The following HIP1 variants were observed in gnomAD, a reference collection of about 807,000 sequenced individuals.
The protein encoded by HIP1 is huntingtin-interacting protein 1.
HIP1 carries 65 observed loss-of-function variants against 147.6 expected under a neutral mutation model. The ratio of observed to expected loss-of-function variants is 0.44; its 90% CI spans 0.36 to 0.54. The LOEUF (loss-of-function observed/expected upper bound fraction) is 0.54, where lower values mean the gene tolerates loss of function less well. Among genes scored for constraint, HIP1 ranks in the 20% least tolerant of loss-of-function variants. The pLI is 0.00. For synonymous variants in HIP1, 479 were observed against 504.0 expected (o/e 0.95, Z 0.67); for missense variants, 1,061 against 1,299.6 (o/e 0.82, Z 2.82).
At chr7:75,696,947 G>T (rs1486926177) in intron 1 of HIP1, among the ~76,000 whole-genome samples, 3 of 150,854 alleles carry the variant, frequency 2.0e-5, no homozygotes, top group African/African-American at 7.3e-5. Context: ...CAACTCACAG[G>T]TCCTCCCCCC....
chr7:75,652,178 A>C (rs568208908), intron 1 of HIP1, among the ~76,000 whole-genome samples: 4 of 150,744 alleles, frequency 2.7e-5, no homozygotes, highest in African/African-American at 9.8e-5. Context: ...TTAGCTGGGC[A>C]TGGTGGCGTG....
At chr7:75,639,526 G>A (rs1554510158) in intron 1 of HIP1, among the ~76,000 whole-genome samples, 1 of 151,734 alleles carries the variant, frequency 6.6e-6, no homozygotes, top group Non-Finnish European at 1.5e-5. Context: ...GGGGATCGCC[G>A]ATCCCGGAGC....
At chr7:75,735,647 G>A (rs191401407) in intron 1 of HIP1, among the ~76,000 whole-genome samples, 26 of 151,476 alleles carry the variant, frequency 1.7e-4, no homozygotes, top group Admixed American at 2.6e-4. Context: ...ATTGACTAAC[G>A]TTGGGTTTAG....
At chr7:75,571,821 C>T (rs782259533) in intron 8 of HIP1, among the ~76,000 whole-genome samples, 3 of 152,082 alleles carry the variant, frequency 2.0e-5, no homozygotes, top group African/African-American at 7.2e-5. Flanking sequence ...TGAGCTCAAG[C>T]GATCTGCCTG....
chr7:75,645,681 C>G (rs1431884295), intron 1 of HIP1, among the ~76,000 whole-genome samples: 2 of 152,170 alleles, frequency 1.3e-5, no homozygotes, highest in Non-Finnish European at 2.9e-5. Context: ...AAAGACATGG[C>G]ATCAACCCAG....
intron 1 of HIP1, among the ~76,000 whole-genome samples, chr7:75,712,970 T>C (rs1405912427): frequency 6.6e-6 from 1 of 152,242 alleles, no homozygotes; most frequent in African/African-American, 2.4e-5. Context: ...ATTCATTCAC[T>C]CACTCATTTA....
intron 1 of HIP1, among the ~76,000 whole-genome samples, chr7:75,718,719 G>A (rs552090301): frequency 1.2e-4 from 19 of 152,136 alleles, no homozygotes; most frequent in African/African-American, 4.3e-4. Context: ...GTGCCATAAT[G>A]TCTTTCTTGA....
intron 2 of HIP1, 100 bp downstream of exon 2, chr7:75,599,084 C>A: frequency 1.2e-6 from 1 of 861,252 alleles, no homozygotes; most frequent in South Asian, 1.4e-5. Flanking sequence ...TGCAGGGTTG[C>A]CCCTTCCTGG....
intron 1 of HIP1, among the ~76,000 whole-genome samples, chr7:75,614,380 C>T (rs1035400013): frequency 5.9e-5 from 9 of 151,920 alleles, no homozygotes; most frequent in Admixed American, 1.3e-4. Context: ...TTTACCACCA[C>T]ACACACACAT....
intron 1 of HIP1, among the ~76,000 whole-genome samples, chr7:75,734,818 C>A (rs1554523465): frequency 6.6e-6 from 1 of 152,152 alleles, no homozygotes; most frequent in South Asian, 2.1e-4. Context: ...AATGCCCCAT[C>A]CCCTCCTCCA....
rs966736793 is a variant in HIP1, at chr7:75,628,746, C to T, written c.121-29499G>A. 9.3e-4 allele frequency among the ~76,000 whole-genome samples: 142 copies of T among 152,098 alleles called. 9 individuals carry two copies. The highest frequency in any genetic ancestry group is 3.1e-4 in the Non-Finnish European group (21 of 68,030). On this transcript the variant is annotated intron_variant, in intron 1 of 30. Coordinates refer to ENST00000336926, the MANE Select transcript of HIP1 (RefSeq NM_005338.7). ...CACCTGCCTTGGCCTCCCAAAGGGC[C>T]GGGATTGCAGGTATGAGCCACTGCA...
intron 1 of HIP1, among the ~76,000 whole-genome samples, chr7:75,694,505 CT>C (rs11286111): frequency 0.38 from 44,028 of 116,558 alleles, 6,039 homozygotes; most frequent in Admixed American, 0.41. Flanking sequence ...TTCTTTCTTT[CT>C]TTTTTTTTTT....
In HIP1 at chr7:75,633,961, T is replaced by C. The variant is rs142942414; in HGVS notation, c.121-34714A>G. The stretch of plus-strand genomic sequence containing the variant: ...AACTCCTGAATTTTAAAAACAGCTA[T>C]AGGGCTATAGGGAGCAGGGCACAGT... On this transcript the variant is annotated intron_variant, in intron 1 of 30. Transcript: ENST00000336926. Among the ~76,000 whole-genome samples, 136 of 152,082 alleles carry C rather than the reference T, an allele frequency of 8.9e-4. 1 individual carries two copies. In the East Asian group the frequency reaches 0.024, roughly 27 times the overall value.
chr7:75,680,712 C>T (rs555105555), intron 1 of HIP1, among the ~76,000 whole-genome samples: 1 of 152,020 alleles, frequency 6.6e-6, no homozygotes, highest in East Asian at 1.9e-4. Flanking sequence ...CGGGTTCAAG[C>T]GATTCTCCTG....
At chr7:75,548,816 CAT>C in intron 23 of HIP1, 73 bp downstream of exon 23, 7 of 1,120,554 alleles carry the variant, frequency 6.2e-6, no homozygotes, top group Non-Finnish European at 9.5e-6. Flanking sequence ...ACGACTGTGA[CAT>C]GTTTAATGAG....
rs587724548 is a variant in HIP1 at position 75,543,005 on chromosome 7, C to T, written c.2767-31G>A. The T allele has an allele frequency of 1.9e-6, 3 of 1,598,046 alleles. No homozygotes were observed. The African/African-American group carries it at 4.0e-5, about 21-fold the overall frequency. On this transcript the variant is annotated intron_variant, in intron 27 of 30. Coordinates refer to ENST00000336926, the MANE Select transcript of HIP1 (RefSeq NM_005338.7). ...AGGACAAAGCAGATTTAGGTTCATACAACACCTAGAGCAACAAGGACTGAA... is the reference window on the plus strand; with the variant it reads ...AGGACAAAGCAGATTTAGGTTCATATAACACCTAGAGCAACAAGGACTGAA...
chr7:75,706,722 G>A (rs55755103), intron 1 of HIP1, among the ~76,000 whole-genome samples: 2 of 110,116 alleles, frequency 1.8e-5, no homozygotes, highest in African/African-American at 3.8e-5. Context: ...ATGCTGGTGC[G>A]CTGCACCCAC....
At chr7:75,640,827 C>T (rs997932289) in intron 1 of HIP1, among the ~76,000 whole-genome samples, 9 of 151,684 alleles carry the variant, frequency 5.9e-5, no homozygotes, top group East Asian at 5.8e-4. Flanking sequence ...GCTGCGAGGC[C>T]GACCTCTGCA....
chr7:75,623,295 G>T (rs1359480371), intron 1 of HIP1, among the ~76,000 whole-genome samples: 6 of 151,934 alleles, frequency 3.9e-5, no homozygotes, highest in African/African-American at 1.2e-4. Flanking sequence ...GGCAATGAGT[G>T]CTCTACAGGG....
Sources: allele counts gnomAD v4.1 joint callset (sites outside exome capture counted in the v4.1 genomes callset), GRCh38; gene constraint gnomAD v4.1.1; transcripts MANE v1.5; gene names NCBI Gene and HGNC (gene_info 2026-07-23, HGNC 2026-07-21).